The following HNRNPLL variants were observed in gnomAD, a reference collection of about 807,000 sequenced individuals.
The protein encoded by HNRNPLL is heterogeneous nuclear ribonucleoprotein L like, also known as heterogeneous nuclear ribonucleoprotein L-like.
Under a neutral mutation model 67.1 loss-of-function variants are expected in HNRNPLL, and 25 were observed. The ratio of observed to expected loss-of-function variants is 0.37; its 90% CI spans 0.27 to 0.52. The LOEUF is 0.52. Among genes scored for constraint, HNRNPLL ranks in the 20% least tolerant of loss-of-function variants. HNRNPLL has a pLI of 0.90. For missense variants in HNRNPLL, 542 were observed against 673.9 expected (o/e 0.80, Z 2.17); for synonymous variants, 267 against 241.7 (o/e 1.10, Z -0.97).
At chr2:38,580,635 A>T (rs961541468) in intron 6 of HNRNPLL, among the ~76,000 whole-genome samples, 2 of 152,236 alleles carry the variant, frequency 1.3e-5, no homozygotes, top group Non-Finnish European at 2.9e-5. Context: ...GTTAAGATGT[A>T]GCCAATACTG....
chr2:38,574,915 C>A (rs972972415), intron 7 of HNRNPLL, among the ~76,000 whole-genome samples: 1 of 151,846 alleles, frequency 6.6e-6, no homozygotes, highest in Non-Finnish European at 1.5e-5. Flanking sequence ...ATCAATTATT[C>A]TTATTCCTAT....
intron 8 of HNRNPLL, among the ~76,000 whole-genome samples, chr2:38,570,204 G>A (rs765596392): frequency 2.0e-5 from 3 of 152,270 alleles, no homozygotes; most frequent in Admixed American, 6.5e-5. Context: ...TAACTTCTCT[G>A]AGCCATGGAT....
rs1469062476 is a variant in HNRNPLL, at chr2:38,563,576, G to C, written c.*606C>G. ...AGAGGCATGTCAATACAAATGGACA[G>C]TGACTTAAAAAAAAATACACCAATT... On this transcript the variant is annotated 3_prime_UTR_variant, in exon 13 of 13. Coordinates refer to ENST00000449105, the MANE Select transcript of HNRNPLL (RefSeq NM_138394.4). 1 of 152,002 alleles carries C rather than the reference G, an allele frequency of 6.6e-6. No homozygotes were observed. Among genetic ancestry groups the C allele is most frequent in the Non-Finnish European group, 1.5e-5 (1 of 67,952 alleles). 9.4% of individuals were successfully genotyped at this position (152,002 alleles called of 1,614,324 possible). A position where few individuals can be genotyped will look rare whatever the true frequency, so the allele number is the denominator to read the frequency against.
At position 38,602,926 on chromosome 2, in the gene HNRNPLL, G is replaced by A. The variant is rs1383671066; in HGVS notation, c.-300C>T. On this transcript the variant is annotated 5_prime_UTR_variant, in exon 1 of 13. Transcript: ENST00000449105. ...CCCTGCCCGGAGGAGCGAATCTAAG[G>A]ATGGGGACGCAACCGTGGCTTCCGG... 4.0e-6 allele frequency: 6 copies of A among 1,499,284 alleles called. No homozygotes were observed. Among genetic ancestry groups the A allele is most frequent in the African/African-American group, 1.4e-5 (1 of 71,650 alleles). 92.9% of individuals were successfully genotyped at this position (1,499,284 alleles called of 1,614,324 possible).
Position 38,569,215 on chromosome 2 carries a change from G to A in HNRNPLL, c.1334C>T (p.Ser445Phe). Reference sequence around the variant, plus strand: ...GGAGGGTGGCTGGATTATATTCTTAGATGCTTGGCCAGCACTTGTAAAGCG... The same window carrying A: ...GGAGGGTGGCTGGATTATATTCTTAAATGCTTGGCCAGCACTTGTAAAGCG... ...NNRFTSAGQA[S>F]KNIIQPPSCV... The change falls in exon 10 of 13, where the codon TCT becomes TTT. Residue 445 changes from serine (S) to phenylalanine (F), a missense_variant. Transcript: ENST00000449105. The A allele has an allele frequency of 6.2e-7, 1 of 1,613,266 alleles. No homozygotes were observed. The highest frequency in any genetic ancestry group is 1.3e-5 in the African/African-American group (1 of 74,986).
chr2:38,567,813 G>C (rs533195358), intron 12 of HNRNPLL, among the ~76,000 whole-genome samples: 1 of 152,286 alleles, frequency 6.6e-6, no homozygotes, highest in African/African-American at 2.4e-5. Flanking sequence ...TGGCTTGATT[G>C]AGCCTACACA....
rs114311356 is a variant in HNRNPLL, at chr2:38,568,503, C to A, written c.1417-60G>T. 48 of 1,120,602 alleles carry A rather than the reference C, an allele frequency of 4.3e-5. No homozygotes were observed. The African/African-American group carries it at 6.6e-4, about 15-fold the overall frequency. 69.4% of individuals were successfully genotyped at this position (1,120,602 alleles called of 1,614,324 possible). A position where few individuals can be genotyped will look rare whatever the true frequency, so the allele number is the denominator to read the frequency against. On this transcript the variant is annotated intron_variant, in intron 10 of 12. Transcript: ENST00000449105. The stretch of plus-strand genomic sequence containing the variant: ...GCCAAAATAATATCCCACTTTTTTA[C>A]AGAAAGTAAACTTTATGGCAGAATT...
chr2:38,568,411 G>C lies in HNRNPLL; in HGVS notation c.1449C>G (p.Ile483Met), dbSNP rs374014442. The change falls in exon 11 of 13, where the codon ATC becomes ATG. Residue 483 changes from isoleucine (I) to methionine (M), a missense_variant. Coordinates refer to ENST00000449105, the MANE Select transcript of HNRNPLL (RefSeq NM_138394.4). ...GTTTTGCATCAAACACTTTATATTTGATGAATGTAAGAACTTCATGGTCAT... is the reference window on the plus strand; with the variant it reads ...GTTTTGCATCAAACACTTTATATTTCATGAATGTAAGAACTTCATGGTCAT... Reference protein sequence around the residue: ...LCNDHEVLTFIKYKVFDAKPS... With the variant: ...LCNDHEVLTFMKYKVFDAKPS... The C allele has an allele frequency of 6.2e-5, 100 of 1,607,960 alleles. 1 individual carries two copies. The South Asian group carries it at 8.7e-4, about 14-fold the overall frequency.
At chr2:38,576,577 C>G (rs558479689) in intron 7 of HNRNPLL, among the ~76,000 whole-genome samples, 1 of 151,552 alleles carries the variant, frequency 6.6e-6, no homozygotes, top group Admixed American at 6.6e-5. Context: ...CACACTACTA[C>G]AGTTCAAAAG....
chr2:38,566,686 A>T (rs1324682594), intron 12 of HNRNPLL, among the ~76,000 whole-genome samples: 5 of 151,928 alleles, frequency 3.3e-5, no homozygotes, highest in African/African-American at 1.2e-4. Flanking sequence ...AACACACATT[A>T]GAAAGTGCAA....
chr2:38,600,077 C>A, intron 1 of HNRNPLL: 1 of 271,642 alleles, frequency 3.7e-6, no homozygotes, highest in Non-Finnish European at 7.8e-6. Flanking sequence ...TTATTATGTA[C>A]AGGTTTCCAT....
chr2:38,600,247 A>C (rs1482749431), intron 1 of HNRNPLL, among the ~76,000 whole-genome samples: 2 of 152,150 alleles, frequency 1.3e-5, no homozygotes, highest in Admixed American at 1.3e-4. Context: ...AAGATAAACA[A>C]AAAAATTAAA....
intron 7 of HNRNPLL, among the ~76,000 whole-genome samples, chr2:38,576,720 T>C (rs1007670523): frequency 6.6e-6 from 1 of 151,864 alleles, no homozygotes; most frequent in African/African-American, 2.4e-5. Context: ...GACTACAATA[T>C]AGCAATTTCT....
chr2:38,565,516 C>G (rs929002935), intron 12 of HNRNPLL, among the ~76,000 whole-genome samples: 4 of 151,770 alleles, frequency 2.6e-5, no homozygotes, highest in Non-Finnish European at 4.4e-5. Context: ...GACCACCAGC[C>G]TGGGCAACAC....
Position 38,583,729 on chromosome 2 carries a change from T to C in HNRNPLL, c.632+112A>G, listed in dbSNP as rs1024429583. The C allele has an allele frequency of 7.9e-6, 4 of 505,592 alleles. No homozygotes were observed. In the African/African-American group the frequency reaches 8.0e-5, roughly 10 times the overall value. 31.3% of individuals were successfully genotyped at this position (505,592 alleles called of 1,614,324 possible). On this transcript the variant is annotated intron_variant, in intron 4 of 12. Transcript: ENST00000449105. ...TTTCATTTTTTAAAGCTAAGTCACG[T>C]AGATTTTTGTGAGAGGACAAAGTAA...
At chr2:38,599,924 CAAAGGTATTTCTTCTCTGGGCT>C (rs1264806423) in intron 1 of HNRNPLL, 3 of 470,986 alleles carry the variant, frequency 6.4e-6, no homozygotes, top group Non-Finnish European at 8.8e-6. Context: ...AGTCTGACCA[CAAAGGTATTTCTTCTCTGGGCT>C]GAAGGACCAC....
intron 3 of HNRNPLL, 41 bp from the exon 4 acceptor site, chr2:38,583,967 T>A: frequency 1.2e-6 from 1 of 850,908 alleles, no homozygotes; most frequent in Non-Finnish European, 1.8e-6. Flanking sequence ...ACTTTACATC[T>A]GAAAAAACAT....
rs529326170 is a variant in HNRNPLL at position 38,580,258 on chromosome 2, T to C, written c.802+1655A>G. Among the ~76,000 whole-genome samples the C allele has an allele frequency of 3.3e-5, 5 of 152,316 alleles. No individual in the cohort carries two copies. The South Asian group carries it at 1.0e-3, about 32-fold the overall frequency. ...TCCGGTTGTTTCAGTGCTAAGGATGTGCTTTCTAATACTGACATCAACTGT... is the reference window on the plus strand; with the variant it reads ...TCCGGTTGTTTCAGTGCTAAGGATGCGCTTTCTAATACTGACATCAACTGT... On this transcript the variant is annotated intron_variant, in intron 6 of 12. Transcript: ENST00000449105.
intron 2 of HNRNPLL, among the ~76,000 whole-genome samples, chr2:38,590,300 A>G (rs986039655): frequency 1.3e-5 from 2 of 152,226 alleles, no homozygotes; most frequent in African/African-American, 4.8e-5. Context: ...ATCTCTGATC[A>G]CTACCTCATT....
Sources: allele counts gnomAD v4.1 joint callset (sites outside exome capture counted in the v4.1 genomes callset), GRCh38; gene constraint gnomAD v4.1.1; transcripts MANE v1.5; gene names NCBI Gene and HGNC (gene_info 2026-07-23, HGNC 2026-07-21).